GAB2: variants seen among roughly 807,000 people sequenced by gnomAD.
The protein encoded by GAB2 is GRB2-associated-binding protein 2.
In GAB2, 26 loss-of-function variants were observed where a neutral mutation model predicts 65.5. The observed-to-expected ratio is 0.40, with a 90% CI of 0.29 to 0.55. GAB2 has a LOEUF of 0.55. Ranked by LOEUF, GAB2 falls within the 20% of genes least tolerant of loss-of-function variation. The pLI is 0.53. For synonymous variants in GAB2, 321 were observed against 329.6 expected (o/e 0.97, Z 0.28); for missense variants, 884 against 875.8 (o/e 1.01, Z -0.12).
At chr11:78,354,456 C>T (rs1432699771) in intron 1 of GAB2, among the ~76,000 whole-genome samples, 1 of 151,816 alleles carries the variant, frequency 6.6e-6, no homozygotes, top group African/African-American at 2.4e-5. Flanking sequence ...TATATACATA[C>T]AGAATTGCTG....
intron 1 of GAB2, among the ~76,000 whole-genome samples, chr11:78,333,579 T>G (rs557096670): frequency 1.0e-3 from 152 of 152,320 alleles, no homozygotes; most frequent in Non-Finnish European, 1.8e-3. Flanking sequence ...AGTGGCATAT[T>G]TTTATACACA....
intron 1 of GAB2, among the ~76,000 whole-genome samples, chr11:78,357,837 A>C (rs1032611827): frequency 1.4e-4 from 22 of 152,210 alleles, no homozygotes; most frequent in Non-Finnish European, 1.5e-5. Context: ...ACACTTTTAC[A>C]CTGTTGGTGG....
chr11:78,332,019 C>T (rs1855923495), intron 1 of GAB2, among the ~76,000 whole-genome samples: 1 of 152,178 alleles, frequency 6.6e-6, no homozygotes, highest in Admixed American at 6.5e-5. Flanking sequence ...GCTTGCCCCT[C>T]CTCCCTTTGC....
intron 1 of GAB2, among the ~76,000 whole-genome samples, chr11:78,330,048 G>A (rs921118404): frequency 6.6e-6 from 1 of 152,116 alleles, no homozygotes; most frequent in Non-Finnish European, 1.5e-5. Flanking sequence ...TGTTTTATGC[G>A]GCTGAGGTAT....
intron 1 of GAB2, among the ~76,000 whole-genome samples, chr11:78,338,929 A>G (rs998462512): frequency 1.4e-5 from 2 of 146,246 alleles, no homozygotes; most frequent in Non-Finnish European, 3.0e-5. Context: ...ACACCCCCAC[A>G]TTTTTTTTTT....
intron 1 of GAB2, among the ~76,000 whole-genome samples, chr11:78,292,059 G>C (rs922808396): frequency 6.6e-6 from 1 of 151,500 alleles, no homozygotes; most frequent in Admixed American, 6.6e-5. Context: ...TTTGTTATTG[G>C]TGAATTTTTA....
intron 1 of GAB2, chr11:78,341,927 C>T (rs1489678439): frequency 3.1e-6 from 3 of 977,816 alleles, no homozygotes; most frequent in Middle Eastern, 5.2e-4. Context: ...TTTAAAAATG[C>T]CTCAGAATCT....
intron 2 of GAB2, among the ~76,000 whole-genome samples, chr11:78,250,869 A>G (rs186550976): frequency 6.6e-6 from 1 of 152,112 alleles, no homozygotes; most frequent in South Asian, 2.1e-4. Context: ...CAAATACCCT[A>G]ATGTTCTCAC....
intron 2 of GAB2, among the ~76,000 whole-genome samples, chr11:78,263,030 A>C (rs561136109): frequency 1.3e-5 from 2 of 152,362 alleles, no homozygotes; most frequent in East Asian, 1.9e-4. Flanking sequence ...AGTATTTACT[A>C]TCTGGCCCTT....
intron 3 of GAB2, among the ~76,000 whole-genome samples, chr11:78,229,670 A>G (rs1290220626): frequency 1.3e-5 from 2 of 152,130 alleles, no homozygotes; most frequent in South Asian, 2.1e-4. Context: ...CACCGCCTCA[A>G]TGCTTCAGGA....
chr11:78,405,454 CTA>C (rs1857031599), intron 1 of GAB2, among the ~76,000 whole-genome samples: 1 of 152,124 alleles, frequency 6.6e-6, no homozygotes, highest in Admixed American at 6.6e-5. Context: ...CTGCTACTTA[CTA>C]TATGTGTGGC....
At chr11:78,288,358 AAC>A (rs1866546881) in intron 1 of GAB2, among the ~76,000 whole-genome samples, 1 of 147,954 alleles carries the variant, frequency 6.8e-6, no homozygotes, top group African/African-American at 2.5e-5. Flanking sequence ...CAGCCTGGGC[AAC>A]AGAGTGAGAC....
chr11:78,227,647 A>AAAAAAAAAAAAAAAAAC (rs1565115732), intron 3 of GAB2, among the ~76,000 whole-genome samples: 1 of 151,210 alleles, frequency 6.6e-6, no homozygotes. Context: ...AAAAAAAAAA[A>AAAAAAAAAAAAAAAAAC]GAACTAGCTG....
chr11:78,373,916 A>G (rs943298194), intron 1 of GAB2, among the ~76,000 whole-genome samples: 1 of 152,172 alleles, frequency 6.6e-6, no homozygotes, highest in African/African-American at 2.4e-5. Context: ...CTAGCACAGT[A>G]CCCGACACAC....
At chr11:78,415,383 C>G (rs1346064613) in intron 1 of GAB2, among the ~76,000 whole-genome samples, 1 of 152,150 alleles carries the variant, frequency 6.6e-6, no homozygotes, top group Non-Finnish European at 1.5e-5. Flanking sequence ...AAGCTTGGTT[C>G]TAATGAACTC....
Position 78,417,672 on chromosome 11 carries a change from G to T in GAB2, c.49C>A (p.Pro17Thr). ...TAGCGCCTCAACTTCTTCTCGGGAG[G>T]CGATTTCCTCAGCCAGCCGGTGCAC... is the stretch of plus-strand genomic sequence containing the variant. ...VVCTGWLRKS[P>T]PEKKLRRYAW... Residue 17 changes from proline to threonine, a missense_variant, in exon 1 of 10, where the codon CCT becomes ACT. Physicochemically the swap from Pro to Thr is conservative, Grantham distance 38 (BLOSUM62 -1). Transcript: ENST00000361507. 7.2e-7 allele frequency: 1 copy of T among 1,393,458 alleles called. No homozygotes were observed. The highest frequency in any genetic ancestry group is 9.5e-7 in the Non-Finnish European group (1 of 1,051,024). 86.3% of individuals were successfully genotyped at this position (1,393,458 alleles called of 1,614,324 possible).
chr11:78,217,300 T>C lies in GAB2; in HGVS notation c.*1972A>G, dbSNP rs1455810830. On this transcript the variant is annotated 3_prime_UTR_variant, in exon 10 of 10. Coordinates refer to ENST00000361507, the MANE Select transcript of GAB2 (RefSeq NM_080491.3). ...AGGGAGAAGGTCTGATTGATTCTTG[T>C]GTCCTTAGTGCTTAACCCCAGAAAC... 6.6e-6 allele frequency: 1 copy of C among 152,282 alleles called. No homozygotes were observed. The highest frequency in any genetic ancestry group is 1.5e-5 in the Non-Finnish European group (1 of 68,096). 9.4% of individuals were successfully genotyped at this position (152,282 alleles called of 1,614,324 possible).
At chr11:78,232,488 T>C (rs1864873247) in intron 3 of GAB2, among the ~76,000 whole-genome samples, 1 of 152,238 alleles carries the variant, frequency 6.6e-6, no homozygotes. Context: ...AAAAGAACTC[T>C]ATTTGTCTTG....
At chr11:78,264,874 G>C (rs560660522) in intron 2 of GAB2, among the ~76,000 whole-genome samples, 46 of 152,204 alleles carry the variant, frequency 3.0e-4, no homozygotes, top group African/African-American at 1.1e-3. Flanking sequence ...TTAGTTTTCG[G>C]GAGATAAAAG....
Sources: allele counts gnomAD v4.1 joint callset (sites outside exome capture counted in the v4.1 genomes callset), GRCh38; gene constraint gnomAD v4.1.1; transcripts MANE v1.5; gene names NCBI Gene and HGNC (gene_info 2026-07-23, HGNC 2026-07-21).